DNAJC2: variants seen among roughly 807,000 people sequenced by gnomAD.
DNAJC2 encodes the protein dnaJ homolog subfamily C member 2.
A neutral mutation model predicts 94.0 loss-of-function variants in DNAJC2; 32 were observed. The observed-to-expected ratio is 0.34, with a 90% confidence interval of 0.26 to 0.46. The LOEUF (loss-of-function observed/expected upper bound fraction) is 0.46, where lower values mean the gene tolerates loss of function less well. Ranked by LOEUF, DNAJC2 falls within the 20% of genes least tolerant of loss-of-function variation. The pLI, the probability that DNAJC2 is intolerant of heterozygous loss-of-function variation, is 1.00. For missense variants in DNAJC2, 550 were observed against 719.5 expected, an observed-to-expected ratio of 0.76 and a Z score of 2.69; for synonymous variants, 210 against 229.7, an observed-to-expected ratio of 0.91 and a Z score of 0.77.
At chr7:103,318,460 T>G (rs1818195811) in intron 12 of DNAJC2, among the ~76,000 whole-genome samples, 1 of 152,222 alleles carries the variant, frequency 6.6e-6, no homozygotes, top group African/African-American at 2.4e-5. Flanking sequence ...CCTTTCAGGC[T>G]GGTTCAAACT....
intron 4 of DNAJC2, chr7:103,327,329 T>TA (rs563045749): frequency 4.7e-6 from 6 of 1,283,170 alleles, no homozygotes; most frequent in Non-Finnish European, 6.1e-6. Context: ...ATAGAACACT[T>TA]ACATGAATTA....
intron 3 of DNAJC2, 135 bp from the exon 4 acceptor site, chr7:103,327,889 C>A: frequency 1.8e-6 from 1 of 554,476 alleles, no homozygotes; most frequent in Non-Finnish European, 3.1e-6. Context: ...TATGCTTATT[C>A]AATGTGAAAA....
intron 10 of DNAJC2, among the ~76,000 whole-genome samples, chr7:103,321,627 C>T (rs533206362): frequency 1.3e-5 from 2 of 150,608 alleles, no homozygotes; most frequent in Non-Finnish European, 3.0e-5. Context: ...GCGGGGAGAT[C>T]ACTTGAGGTC....
intron 3 of DNAJC2, among the ~76,000 whole-genome samples, chr7:103,330,119 T>A (rs1818905083): frequency 1.3e-5 from 2 of 152,220 alleles, no homozygotes; most frequent in African/African-American, 4.8e-5. Context: ...GGTGTTAAAC[T>A]GTATTCTATG....
rs749761665 is a variant in DNAJC2, at chr7:103,344,669, G to C, written c.-47C>G. Reference sequence around the variant, plus strand: ...GTGGGCGCAGCGGCTCACGTCCCGGGCGGAGGGCGCTTAGGGTCCCCTCCA... The same window carrying C: ...GTGGGCGCAGCGGCTCACGTCCCGGCCGGAGGGCGCTTAGGGTCCCCTCCA... On this transcript the variant is annotated 5_prime_UTR_variant, in exon 1 of 17. Coordinates refer to ENST00000379263, the MANE Select transcript of DNAJC2 (RefSeq NM_014377.3). 3.5e-5 allele frequency: 55 copies of C among 1,593,166 alleles called. No homozygotes were observed. The highest frequency in any genetic ancestry group is 4.4e-5 in the Non-Finnish European group (52 of 1,173,394).
chr7:103,327,440 A>G, intron 4 of DNAJC2: 2 of 799,438 alleles, frequency 2.5e-6, no homozygotes, highest in South Asian at 3.0e-5. Context: ...CATTTCTAAT[A>G]AGCTGCCAGG....
At chr7:103,312,785 G>A (rs1254497987) in intron 16 of DNAJC2, 142 bp from the exon 17 acceptor site, 1 of 1,508,172 alleles carries the variant, frequency 6.6e-7, no homozygotes, top group Non-Finnish European at 8.8e-7. Flanking sequence ...GGCCTAGAAA[G>A]TTTCTAAGGT....
intron 2 of DNAJC2, among the ~76,000 whole-genome samples, chr7:103,340,210 A>G (rs1412990085): frequency 6.6e-6 from 1 of 152,226 alleles, no homozygotes; most frequent in Non-Finnish European, 1.5e-5. Context: ...TATTTCTTCA[A>G]ATAACAAAGT....
intron 15 of DNAJC2, chr7:103,313,497 G>A: frequency 1.0e-6 from 1 of 985,076 alleles, no homozygotes; most frequent in Non-Finnish European, 1.2e-6. Context: ...TACAGAATAG[G>A]TAAAAGAGCT....
rs188107492 is a variant in DNAJC2, at chr7:103,317,073, T to G, written c.1243-59A>C. ...TATACTGTATTGCTATTCTACACTC[T>G]CTTCCTGGCTAGGGCTTTGTGGTCC... On this transcript the variant is annotated intron_variant, in intron 12 of 16. Transcript: ENST00000379263. 3.7e-5 allele frequency: 54 copies of G among 1,447,346 alleles called. No homozygotes were observed. The East Asian group carries it at 1.2e-3, about 32-fold the overall frequency. The allele number at this position is 1,447,346 out of a possible 1,614,324, so 89.7% of individuals were successfully genotyped here.
intron 3 of DNAJC2, chr7:103,335,529 T>G (rs955540260): frequency 2.0e-5 from 3 of 151,810 alleles, no homozygotes; most frequent in African/African-American, 7.3e-5. Flanking sequence ...TTCTTTTCTT[T>G]CTTTCTTTCT....
At chr7:103,314,120 T>C (rs901721627) in intron 15 of DNAJC2, 10 of 985,326 alleles carry the variant, frequency 1.0e-5, no homozygotes, top group Non-Finnish European at 1.2e-5. Context: ...TAAGAAGCTT[T>C]TTTGAAGGTA....
chr7:103,321,893 T>TG, intron 10 of DNAJC2, 39 bp downstream of exon 10: 2 of 1,562,882 alleles, frequency 1.3e-6, no homozygotes, highest in African/African-American at 1.4e-5. Flanking sequence ...ATAAGCAACT[T>TG]GATTTACTTG....
chr7:103,337,543 A>G, intron 3 of DNAJC2, 193 bp downstream of exon 3: 1 of 538,032 alleles, frequency 1.9e-6, no homozygotes, highest in Non-Finnish European at 3.3e-6. Flanking sequence ...GAAAGTCTAT[A>G]TGTAAAATGG....
At chr7:103,328,250 AGT>A (rs1255052806) in intron 3 of DNAJC2, among the ~76,000 whole-genome samples, 15 of 152,102 alleles carry the variant, frequency 9.9e-5, no homozygotes, top group South Asian at 2.1e-4. Context: ...AATTAGCCAA[AGT>A]GCCCCTAACC....
chr7:103,337,955 T>C (rs1819239179), intron 2 of DNAJC2, 144 bp from the exon 3 acceptor site: 1 of 631,858 alleles, frequency 1.6e-6, no homozygotes, highest in Admixed American at 2.8e-5. Flanking sequence ...CCAGGGTCTA[T>C]GGTCAGGTAA....
At chr7:103,327,780 A>G in intron 3 of DNAJC2, 26 bp from the exon 4 acceptor site, 1 of 1,528,676 alleles carries the variant, frequency 6.5e-7, no homozygotes, top group Non-Finnish European at 9.0e-7. Flanking sequence ...GATTGAGATA[A>G]TTTGTCACTT....
Position 103,312,791 on chromosome 7 carries a change from A to G in DNAJC2, c.1792-148T>C, listed in dbSNP as rs1475078717. Reference sequence around the variant, plus strand: ...ATCTGCCAGGGCCTAGAAAGTTTCTAAGGTTGCTCATTTCTTCCTCATAAT... The same window carrying G: ...ATCTGCCAGGGCCTAGAAAGTTTCTGAGGTTGCTCATTTCTTCCTCATAAT... On this transcript the variant is annotated intron_variant, in intron 16 of 16. Transcript: ENST00000379263. 1.1e-5 allele frequency: 17 copies of G among 1,509,950 alleles called. No homozygotes were observed. The East Asian group carries it at 3.9e-4, about 34-fold the overall frequency. The allele number at this position is 1,509,950 out of a possible 1,614,324, so 93.5% of individuals were successfully genotyped here. A position where few individuals can be genotyped will look rare whatever the true frequency, so the allele number is the denominator to read the frequency against.
intron 3 of DNAJC2, chr7:103,335,985 T>G (rs1819158049): frequency 6.6e-6 from 1 of 152,166 alleles, no homozygotes; most frequent in African/African-American, 2.4e-5. Context: ...CTGACCAACA[T>G]GGTGAAATCC....
Sources: allele counts gnomAD v4.1 joint callset (sites outside exome capture counted in the v4.1 genomes callset), GRCh38; gene constraint gnomAD v4.1.1; transcripts MANE v1.5; gene names NCBI Gene and HGNC (gene_info 2026-07-23, HGNC 2026-07-21).